The following FHIT variants were observed in gnomAD, a reference collection of about 807,000 sequenced individuals.
FHIT encodes bis(5'-adenosyl)-triphosphatase.
A neutral mutation model predicts 17.9 loss-of-function variants in FHIT; 19 were observed. The ratio of observed to expected loss-of-function variants is 1.06; its 90% confidence interval spans 0.74 to 1.56. FHIT has a LOEUF of 1.56. Among genes scored for constraint, FHIT ranks in the 40% most tolerant of loss-of-function variants. FHIT has a pLI of 0.00. For missense variants in FHIT, 248 were observed against 189.2 expected (o/e 1.31, Z -1.82); for synonymous variants, 81 against 69.7 (o/e 1.16, Z -0.81).
At chr3:60,586,937 C>T (rs1553662291) in intron 4 of FHIT, among the ~76,000 whole-genome samples, 1 of 151,856 alleles carries the variant, frequency 6.6e-6, no homozygotes, top group Non-Finnish European at 1.5e-5. Flanking sequence ...TACAATAAAC[C>T]CACATGACAT....
At chr3:60,787,359 G>A (rs782673208) in intron 4 of FHIT, among the ~76,000 whole-genome samples, 4 of 152,322 alleles carry the variant, frequency 2.6e-5, no homozygotes, top group Admixed American at 2.0e-4. Flanking sequence ...TACATCCTCA[G>A]AGAAGCTCTC....
rs148626033 is a variant in FHIT at position 60,425,123 on chromosome 3, T to G, written c.103+111737A>C. 5.1e-3 allele frequency among the ~76,000 whole-genome samples: 773 copies of G among 151,960 alleles called. 12 individuals carry two copies. Among genetic ancestry groups the G allele is most frequent in the Middle Eastern group, 0.017 (5 of 292 alleles). On this transcript the variant is annotated intron_variant, in intron 5 of 9. Transcript: ENST00000492590. The stretch of plus-strand genomic sequence containing the variant: ...ATCAAGGGAGGATGGTTGCAACACA[T>G]CCCTATCAGGAACCCACTGCAACTA...
In FHIT at chr3:60,661,488, A is replaced by G. The variant is rs1045227033; in HGVS notation, c.-17-124509T>C. Among the ~76,000 whole-genome samples, 7 of 152,270 alleles carry G rather than the reference A, an allele frequency of 4.6e-5. No homozygotes were observed. The East Asian group carries it at 1.4e-3, about 29-fold the overall frequency. ...TTTGGGATGGTTCCATAGTTTTGCA[A>G]TTGGAAATTGTGCTGCTATAAACAT... is the stretch of plus-strand genomic sequence containing the variant. On this transcript the variant is annotated intron_variant, in intron 4 of 9. Transcript: ENST00000492590.
chr3:60,712,664 T>C (rs1296303280), intron 4 of FHIT, among the ~76,000 whole-genome samples: 1 of 151,480 alleles, frequency 6.6e-6, no homozygotes, highest in Non-Finnish European at 1.5e-5. Flanking sequence ...CCAACAAAGA[T>C]CAAAAGAGAC....
intron 8 of FHIT, among the ~76,000 whole-genome samples, chr3:59,874,473 G>A (rs1472004184): frequency 6.6e-6 from 1 of 152,160 alleles, no homozygotes; most frequent in East Asian, 1.9e-4. Flanking sequence ...TAGGTCTAGG[G>A]TGAGGCACAA....
At chr3:60,927,397 C>T (rs534567877) in intron 3 of FHIT, among the ~76,000 whole-genome samples, 81 of 152,234 alleles carry the variant, frequency 5.3e-4, no homozygotes, top group African/African-American at 1.4e-3. Flanking sequence ...GCCTCTGCCC[C>T]GCCGCCACCC....
At chr3:60,302,251 A>G (rs1708485768) in intron 5 of FHIT, among the ~76,000 whole-genome samples, 1 of 152,050 alleles carries the variant, frequency 6.6e-6, no homozygotes, top group South Asian at 2.1e-4. Flanking sequence ...TTGGTAAGGC[A>G]AGAAATGCAG....
intron 7 of FHIT, among the ~76,000 whole-genome samples, chr3:59,971,703 G>A (rs753612127): frequency 6.6e-6 from 1 of 152,134 alleles, no homozygotes; most frequent in African/African-American, 2.4e-5. Context: ...TCTGAGCTCA[G>A]GAAGACTGAA....
At chr3:60,632,300 T>C (rs1460028192) in intron 4 of FHIT, among the ~76,000 whole-genome samples, 2 of 152,152 alleles carry the variant, frequency 1.3e-5, no homozygotes, top group Non-Finnish European at 2.9e-5. Flanking sequence ...CCACAGGGAA[T>C]AGAAGGATCA....
intron 8 of FHIT, among the ~76,000 whole-genome samples, chr3:59,788,560 A>G (rs1342259499): frequency 6.6e-6 from 1 of 152,132 alleles, no homozygotes; most frequent in Non-Finnish European, 1.5e-5. Flanking sequence ...AAGGCAGGCT[A>G]CGATCCTCAT....
chr3:59,941,766 C>T (rs865776532), intron 7 of FHIT, among the ~76,000 whole-genome samples: 10 of 152,088 alleles, frequency 6.6e-5, no homozygotes, highest in South Asian at 2.1e-4. Context: ...AAAGCCACTA[C>T]GAGGTCCTCT....
chr3:60,320,445 T>A (rs888999765), intron 5 of FHIT, among the ~76,000 whole-genome samples: 2 of 152,040 alleles, frequency 1.3e-5, no homozygotes, highest in African/African-American at 4.8e-5. Context: ...GGAAAAAAAA[T>A]AGGATTTCAA....
At chr3:60,336,894 CAAAA>C (rs35302219) in intron 5 of FHIT, among the ~76,000 whole-genome samples, 1 of 104,808 alleles carries the variant, frequency 9.5e-6, no homozygotes, top group Non-Finnish European at 2.1e-5. Flanking sequence ...TCAAAGTAAG[CAAAA>C]AAAAAAAAAA....
chr3:61,092,446 T>C (rs559617530), intron 2 of FHIT, among the ~76,000 whole-genome samples: 16 of 152,192 alleles, frequency 1.1e-4, no homozygotes, highest in African/African-American at 3.9e-4. Context: ...TTGTTAAAAC[T>C]CAATTTGAGA....
At chr3:60,367,746 CACAT>C (rs2107037416) in intron 5 of FHIT, among the ~76,000 whole-genome samples, 1 of 152,264 alleles carries the variant, frequency 6.6e-6, no homozygotes, top group Non-Finnish European at 1.5e-5. Context: ...AATGTATACA[CACAT>C]ACAAAGCTCT....
chr3:60,371,531 G>A (rs1700329183), intron 5 of FHIT, among the ~76,000 whole-genome samples: 1 of 151,772 alleles, frequency 6.6e-6, no homozygotes, highest in Admixed American at 6.6e-5. Context: ...CTCTCAAGTA[G>A]TCGGTTTTTA....
intron 8 of FHIT, among the ~76,000 whole-genome samples, chr3:59,903,763 T>C (rs1425194418): frequency 6.6e-6 from 1 of 152,160 alleles, no homozygotes; most frequent in African/African-American, 2.4e-5. Flanking sequence ...AATAATTTGG[T>C]TCCCTGTGAG....
chr3:60,101,540 G>A (rs570169844), intron 5 of FHIT, among the ~76,000 whole-genome samples: 1 of 152,174 alleles, frequency 6.6e-6, no homozygotes, highest in East Asian at 1.9e-4. Context: ...ATTACATTAC[G>A]TATTTTTTTC....
intron 5 of FHIT, among the ~76,000 whole-genome samples, chr3:60,339,434 A>T (rs148974360): frequency 2.8e-4 from 43 of 152,318 alleles, no homozygotes; most frequent in African/African-American, 9.9e-4. Flanking sequence ...AAATTAACTT[A>T]CCAGGCAGCA....
Sources: gnomAD v4.1 joint callset for allele counts (sites outside exome capture counted in the v4.1 genomes callset) on GRCh38, gnomAD v4.1.1 for gene constraint, MANE v1.5 for transcripts, NCBI Gene and HGNC (gene_info 2026-07-23, HGNC 2026-07-21) for gene names.